TNFSF10: variants seen among roughly 807,000 people sequenced by gnomAD.
The protein encoded by TNFSF10 is tumor necrosis factor ligand superfamily member 10.
In TNFSF10, 13 loss-of-function variants were observed where a neutral mutation model predicts 29.5. The observed-to-expected ratio is 0.44, with a 90% CI of 0.29 to 0.70. The LOEUF (loss-of-function observed/expected upper bound fraction) is 0.70, where lower values mean the gene tolerates loss of function less well. TNFSF10 is among the 30% of genes least tolerant of loss of function. The pLI is 0.13. For synonymous variants in TNFSF10, 111 were observed against 112.8 expected, an observed-to-expected ratio of 0.98 and a Z score of 0.10; for missense variants, 345 against 330.9, an observed-to-expected ratio of 1.04 and a Z score of -0.33.
At chr3:172,514,639 T>C (rs1489227042) in intron 2 of TNFSF10, among the ~76,000 whole-genome samples, 3 of 152,180 alleles carry the variant, frequency 2.0e-5, no homozygotes, top group Non-Finnish European at 4.4e-5. Context: ...GGCAGAGGAA[T>C]GAACTCTAGA....
At chr3:172,512,647 C>T (rs1303757968) in intron 2 of TNFSF10, among the ~76,000 whole-genome samples, 2 of 152,190 alleles carry the variant, frequency 1.3e-5, no homozygotes, top group East Asian at 3.8e-4. Flanking sequence ...GAGGAAACCA[C>T]AGCATTCTCT....
chr3:172,523,092 T>C (rs111544420), intron 1 of TNFSF10, among the ~76,000 whole-genome samples, 161 bp downstream of exon 1: 74 of 152,348 alleles, frequency 4.9e-4, no homozygotes, highest in African/African-American at 1.7e-3. Flanking sequence ...ACTTACAGTT[T>C]TGCAAAGACC....
At chr3:172,509,395 T>C (rs1429445990) in intron 3 of TNFSF10, 74 bp from the exon 4 acceptor site, 2 of 1,197,082 alleles carry the variant, frequency 1.7e-6, no homozygotes, top group Non-Finnish European at 2.4e-6. Flanking sequence ...TCATAGGTGT[T>C]GTCAATCAGC....
intron 1 of TNFSF10, among the ~76,000 whole-genome samples, chr3:172,516,907 G>A (rs542475181): frequency 8.5e-5 from 13 of 152,330 alleles, no homozygotes; most frequent in Admixed American, 2.6e-4. Flanking sequence ...CACAAGGCCC[G>A]AGGGTGGTTC....
chr3:172,508,750 G>A (rs528536499), intron 4 of TNFSF10, among the ~76,000 whole-genome samples: 7 of 152,090 alleles, frequency 4.6e-5, no homozygotes, highest in Non-Finnish European at 8.8e-5. Context: ...TTAGCCAGGC[G>A]TGGAGCTGCG....
chr3:172,506,453 T>C lies in TNFSF10; in HGVS notation c.*39A>G. On this transcript the variant is annotated 3_prime_UTR_variant, in exon 5 of 5. Transcript: ENST00000241261. Reference sequence around the variant, plus strand: ...ATAGTGTATCATCCTGAAAACTGAATAGTCACTTTGAGGTTATTGCTTTTT... The same window carrying C: ...ATAGTGTATCATCCTGAAAACTGAACAGTCACTTTGAGGTTATTGCTTTTT... 6 of 1,543,758 alleles carry C rather than the reference T, an allele frequency of 3.9e-6. No individual in the cohort carries two copies. The highest frequency in any genetic ancestry group is 5.2e-6 in the Non-Finnish European group (6 of 1,149,828).
chr3:172,506,404 G>T lies in TNFSF10; in HGVS notation c.*88C>A. The T allele has an allele frequency of 6.9e-7, 1 of 1,439,222 alleles. No individual in the cohort carries two copies. The highest frequency in any genetic ancestry group is 2.3e-5 in the East Asian group (1 of 42,802). The allele number at this position is 1,439,222 out of a possible 1,614,324, so 89.2% of individuals were successfully genotyped here. A position where few individuals can be genotyped will look rare whatever the true frequency, so the allele number is the denominator to read the frequency against. ...TTTCTGTTTTCTGTTTGTTTGTTTTGGTCAGATTTTTTGAAACATCTTCAT... is the reference window on the plus strand; with the variant it reads ...TTTCTGTTTTCTGTTTGTTTGTTTTTGTCAGATTTTTTGAAACATCTTCAT... On this transcript the variant is annotated 3_prime_UTR_variant, in exon 5 of 5. Coordinates refer to ENST00000241261, the MANE Select transcript of TNFSF10 (RefSeq NM_003810.4).
At chr3:172,517,380 T>C in intron 1 of TNFSF10, 1 of 985,386 alleles carries the variant, frequency 1.0e-6, no homozygotes, top group Non-Finnish European at 1.2e-6. Flanking sequence ...AGTAAGGTCC[T>C]GGGTATAAGT....
intron 4 of TNFSF10, 103 bp downstream of exon 4, chr3:172,509,110 GTAGA>G (rs1164714968): frequency 1.2e-6 from 1 of 851,264 alleles, no homozygotes; most frequent in Admixed American, 2.7e-5. Context: ...TGAGCATTTT[GTAGA>G]TAGCCATATA....
chr3:172,516,944 C>G (rs1339990180), intron 1 of TNFSF10, among the ~76,000 whole-genome samples: 1 of 152,262 alleles, frequency 6.6e-6, no homozygotes, highest in Admixed American at 6.5e-5. Context: ...TCCCTGGACA[C>G]TGTCCCAGTT....
At chr3:172,511,529 G>T in intron 3 of TNFSF10, 88 bp downstream of exon 3, 1 of 1,109,058 alleles carries the variant, frequency 9.0e-7, no homozygotes, top group Non-Finnish European at 1.3e-6. Flanking sequence ...GAGTGGATGA[G>T]AACACAGAGA....
chr3:172,518,375 C>G, intron 1 of TNFSF10: 1 of 1,287,382 alleles, frequency 7.8e-7, no homozygotes, highest in Non-Finnish European at 1.0e-6. Flanking sequence ...TTGAGGTCAG[C>G]AGGGTAGACT....
chr3:172,509,272 T>G lies in TNFSF10; in HGVS notation c.363A>C (p.Arg121Ser), dbSNP rs146521859. 6.2e-7 allele frequency: 1 copy of G among 1,613,886 alleles called. No homozygotes were observed. The highest frequency in any genetic ancestry group is 1.3e-5 in the African/African-American group (1 of 74,942). ...SPLVRERGPQ[R>S]VAAHITGTRG... The stretch of plus-strand genomic sequence containing the variant: ...TGGTCCCAGTTATGTGAGCTGCTAC[T>G]CTCTGAGGACCTCTTTCTCTCACTA... The change falls in exon 4 of 5, where the codon AGA becomes AGC. Residue 121 changes from arginine (R) to serine (S), a missense_variant. Coordinates refer to ENST00000241261, the MANE Select transcript of TNFSF10 (RefSeq NM_003810.4).
At position 172,506,664 on chromosome 3, in the gene TNFSF10, C is replaced by A; in HGVS notation, c.674G>T (p.Ser225Ile). The change falls in exon 5 of 5, where the codon AGT (serine) becomes ATT (isoleucine). Residue 225 changes from serine to isoleucine, a missense_variant. Physicochemically the swap from Ser to Ile is moderately radical, Grantham distance 142 (BLOSUM62 -2). Coordinates refer to ENST00000241261, the MANE Select transcript of TNFSF10 (RefSeq NM_003810.4). Reference sequence around the variant, plus strand: ...TTTAGACCAACAACTATTTCTAGCACTTTTCATCAACAATATAGGGTCAGG... The same window carrying A: ...TTTAGACCAACAACTATTTCTAGCAATTTTCATCAACAATATAGGGTCAGG... ...SYPDPILLMK[S>I]ARNSCWSKDA... 6.2e-7 allele frequency: 1 copy of A among 1,614,176 alleles called. No individual in the cohort carries two copies. The highest frequency in any genetic ancestry group is 8.5e-7 in the Non-Finnish European group (1 of 1,180,030).
At position 172,517,896 on chromosome 3, in the gene TNFSF10, GAA is replaced by G. The variant is rs1284678985; in HGVS notation, c.133-2900_133-2899del. On this transcript the variant is annotated intron_variant, in intron 1 of 4. Transcript: ENST00000241261. ...TTTTTATGCATAAATATTGATTTCT[GAA>G]CAATAGAAATCCAGAGAGGAAGCCC... is the stretch of plus-strand genomic sequence containing the variant. The G allele has an allele frequency of 5.1e-6, 5 of 985,322 alleles. No homozygotes were observed. The East Asian group carries it at 4.5e-4, about 89-fold the overall frequency. 61.0% of individuals were successfully genotyped at this position (985,322 alleles called of 1,614,324 possible). A position where few individuals can be genotyped will look rare whatever the true frequency, so the allele number is the denominator to read the frequency against.
At chr3:172,517,670 A>G in intron 1 of TNFSF10, 3 of 985,418 alleles carry the variant, frequency 3.0e-6, no homozygotes, top group Non-Finnish European at 3.6e-6. Flanking sequence ...AATTTTGAGT[A>G]TGGTTGTTTT....
chr3:172,518,196 G>A (rs564605112), intron 1 of TNFSF10: 32 of 1,119,064 alleles, frequency 2.9e-5, no homozygotes, highest in Middle Eastern at 4.1e-4. Context: ...AGCGTGTGGG[G>A]ATTATTTTCA....
At chr3:172,513,479 G>A (rs751921335) in intron 2 of TNFSF10, among the ~76,000 whole-genome samples, 9 of 152,176 alleles carry the variant, frequency 5.9e-5, no homozygotes, top group Non-Finnish European at 1.2e-4. Context: ...CCCCTGTCTG[G>A]AGCAATGCCG....
At chr3:172,509,187 C>T in intron 4 of TNFSF10, 30 bp downstream of exon 4, 1 of 1,571,926 alleles carries the variant, frequency 6.4e-7, no homozygotes, top group South Asian at 1.1e-5. Context: ...ATTATTTTCC[C>T]TTAAGTCACT....
Sources: gnomAD v4.1 joint callset for allele counts (sites outside exome capture counted in the v4.1 genomes callset) on GRCh38, gnomAD v4.1.1 for gene constraint, MANE v1.5 for transcripts, NCBI Gene and HGNC (gene_info 2026-07-23, HGNC 2026-07-21) for gene names.